The following CACNA1C variants were observed in gnomAD, a reference collection of about 807,000 sequenced individuals.
CACNA1C encodes calcium voltage-gated channel subunit alpha1 C.
A neutral mutation model predicts 229.0 loss-of-function variants in CACNA1C; 30 were observed. The ratio of observed to expected loss-of-function variants is 0.13; its 90% CI spans 0.10 to 0.18. The LOEUF (loss-of-function observed/expected upper bound fraction) is 0.18, where lower values mean the gene tolerates loss of function less well. CACNA1C is among the 10% of genes least tolerant of loss of function. The pLI is 1.00. For synonymous variants in CACNA1C, 1,114 were observed against 1,132.5 expected, an observed-to-expected ratio of 0.98 and a Z score of 0.33; for missense variants, 1,658 against 2,845.0, an observed-to-expected ratio of 0.58 and a Z score of 9.49.
At chr12:2,340,001 T>A (rs1340253050) in intron 3 of CACNA1C, among the ~76,000 whole-genome samples, 1 of 152,240 alleles carries the variant, frequency 6.6e-6, no homozygotes, top group African/African-American at 2.4e-5. Context: ...ACTTTGGTTT[T>A]TAAAAACTAT....
chr12:2,166,847 A>C (rs2096258397), intron 3 of CACNA1C, among the ~76,000 whole-genome samples: 2 of 152,200 alleles, frequency 1.3e-5, no homozygotes, highest in South Asian at 4.1e-4. Context: ...GGAGAAGACT[A>C]GGCAGCAGGC....
At chr12:2,111,343 G>T (rs572669367) in intron 1 of CACNA1C, among the ~76,000 whole-genome samples, 1 of 152,300 alleles carries the variant, frequency 6.6e-6, no homozygotes, top group Non-Finnish European at 1.5e-5. Flanking sequence ...TGCCGTCTTG[G>T]TAGCTTCTAC....
Position 2,478,160 on chromosome 12 carries a change from T to C in CACNA1C, c.758-7944T>C, listed in dbSNP as rs141683452. 2.9e-3 allele frequency among the ~76,000 whole-genome samples: 448 copies of C among 152,296 alleles called. 1 individual carries two copies. Among genetic ancestry groups the C allele is most frequent in the African/African-American group, 0.01 (424 of 41,558 alleles). On this transcript the variant is annotated intron_variant, in intron 5 of 46. Coordinates refer to ENST00000399655, the MANE Select transcript of CACNA1C (RefSeq NM_000719.7). ...GACACAGCTCACAGGTCTAGTCTTC[T>C]GGGAACTGTTTTCATATTTTCCTAG...
intron 3 of CACNA1C, among the ~76,000 whole-genome samples, chr12:2,243,632 G>C (rs1274234891): frequency 6.6e-6 from 1 of 152,222 alleles, no homozygotes; most frequent in Non-Finnish European, 1.5e-5. Flanking sequence ...ACTTAACTCT[G>C]TTGAGCCTTA....
intron 3 of CACNA1C, among the ~76,000 whole-genome samples, chr12:2,212,093 G>A (rs1254581571): frequency 6.6e-6 from 1 of 152,184 alleles, no homozygotes; most frequent in East Asian, 1.9e-4. Context: ...TGGATCAATG[G>A]CTGGGTAATC....
Position 2,633,677 on chromosome 12 carries a change from G to C in CACNA1C, c.3829-620G>C. ...TGTTTTTGACTTCCTCATCGTAATT[G>C]GCAGCATAATTGACGTCATTCTCAG... On this transcript the variant is annotated intron_variant, in intron 29 of 46. Coordinates refer to ENST00000399655, the MANE Select transcript of CACNA1C (RefSeq NM_000719.7). This position sits in a 1 kb window ranked among gnomAD's most constrained non-coding sequence, Gnocchi z 5.8. The C allele has an allele frequency of 6.2e-7, 1 of 1,611,264 alleles. No individual in the cohort carries two copies. The highest frequency in any genetic ancestry group is 8.5e-7 in the Non-Finnish European group (1 of 1,177,526).
intron 10 of CACNA1C, among the ~76,000 whole-genome samples, chr12:2,552,454 G>A (rs1202981693): frequency 2.6e-5 from 4 of 152,242 alleles, no homozygotes; most frequent in African/African-American, 7.2e-5. Context: ...ACAGAAGGAT[G>A]AACATGAGTT....
chr12:2,651,614 C>T lies in CACNA1C; in HGVS notation c.3946-26C>T, dbSNP rs1387183788. ...CACCCCCCTCTTGCTGTGCTAACTG[C>T]ACCTCCTGTTGCCGACGGGTTCCAG... On this transcript the variant is annotated intron_variant, in intron 31 of 46. Coordinates refer to ENST00000399655, the MANE Select transcript of CACNA1C (RefSeq NM_000719.7). The surrounding 1 kb of genome is among the most constrained non-coding windows in gnomAD (Gnocchi z 5.4). 4 of 1,613,958 alleles carry T rather than the reference C, an allele frequency of 2.5e-6. No homozygotes were observed. The highest frequency in any genetic ancestry group is 2.2e-5 in the East Asian group (1 of 44,864).
chr12:2,108,020 G>A lies in CACNA1C; in HGVS notation c.50-7204G>A, dbSNP rs2079906677. Among the ~76,000 whole-genome samples the A allele has an allele frequency of 6.6e-6, 1 of 152,236 alleles. No individual in the cohort carries two copies. Among genetic ancestry groups the A allele is most frequent in the East Asian group, 1.9e-4 (1 of 5,204 alleles). ...AAAATGCATTTTGTCAGACGTGCTA[G>A]CTACATTTCAGGTGCTCAGGAGCTG... On this transcript the variant is annotated intron_variant, in intron 1 of 46. Transcript: ENST00000399655. The surrounding 1 kb of genome is among the most constrained non-coding windows in gnomAD (Gnocchi z 5.3).
Position 2,277,906 on chromosome 12 carries a change from A to G in CACNA1C, c.477+157476A>G, listed in dbSNP as rs140204327. ...GAGCAGAGGGTCCTGAGCATGCGGC[A>G]TTAGATGGAGAAACTGCCTCCAGTC... is the stretch of plus-strand genomic sequence containing the variant. On this transcript the variant is annotated intron_variant, in intron 3 of 46. Transcript: ENST00000399655. Among the ~76,000 whole-genome samples the G allele has an allele frequency of 9.2e-3, 1,405 of 152,362 alleles. 22 individuals carry two copies. Among genetic ancestry groups the G allele is most frequent in the African/African-American group, 0.032 (1,343 of 41,580 alleles).
intron 1 of CACNA1C, among the ~76,000 whole-genome samples, chr12:2,035,811 C>G (rs1390237616): frequency 6.6e-6 from 1 of 152,210 alleles, no homozygotes; most frequent in African/African-American, 2.4e-5. Flanking sequence ...CTGGGGAGGA[C>G]GATTTCACAA....
chr12:2,121,649 C>T lies in CACNA1C; in HGVS notation c.477+1219C>T, dbSNP rs116832173. Among the ~76,000 whole-genome samples, 1,472 of 152,288 alleles carry T rather than the reference C, an allele frequency of 9.7e-3. 20 individuals carry two copies. Among genetic ancestry groups the T allele is most frequent in the African/African-American group, 0.033 (1,369 of 41,556 alleles). On this transcript the variant is annotated intron_variant, in intron 3 of 46. Transcript: ENST00000399655. Reference sequence around the variant, plus strand: ...AGTCGGAAGGCAGAGCATCGGCCGCCGTCCGTGAGGCCATCCGAAGCGTGA... The same window carrying T: ...AGTCGGAAGGCAGAGCATCGGCCGCTGTCCGTGAGGCCATCCGAAGCGTGA...
rs1294740683 is a variant in CACNA1C at position 2,692,872 on chromosome 12, C to T, written c.*1673C>T. 1 of 152,552 alleles carries T rather than the reference C, an allele frequency of 6.6e-6. No homozygotes were observed. Among genetic ancestry groups the T allele is most frequent in the African/African-American group, 2.4e-5 (1 of 41,430 alleles). 9.4% of individuals were successfully genotyped at this position (152,552 alleles called of 1,614,324 possible). ...TAATGAATTGAATTAAGTTGGTTTT[C>T]GGATTCACTTCTTGTATATTTTGCT... On this transcript the variant is annotated 3_prime_UTR_variant, in exon 47 of 47. Transcript: ENST00000399655.
chr12:2,490,617 C>T (rs544020944), intron 6 of CACNA1C, among the ~76,000 whole-genome samples: 108 of 152,346 alleles, frequency 7.1e-4, no homozygotes, highest in African/African-American at 2.5e-3. Flanking sequence ...TCCAGTCTCT[C>T]AGCTCCCAAA....
intron 30 of CACNA1C, among the ~76,000 whole-genome samples, chr12:2,640,415 TGATGCTGCG>T (rs562324013): frequency 3.3e-5 from 5 of 152,258 alleles, no homozygotes; most frequent in South Asian, 2.1e-4. Flanking sequence ...CTGTGTCGGT[TGATGCTGCG>T]GATGCTGGAT....
intron 1 of CACNA1C, among the ~76,000 whole-genome samples, chr12:2,063,639 A>C (rs1323482701): frequency 1.5e-4 from 23 of 152,256 alleles, no homozygotes; most frequent in Non-Finnish European, 5.9e-5. Context: ...TCAATTATAC[A>C]AAAAAGTGGT....
At chr12:2,478,231 G>A (rs767881005) in intron 5 of CACNA1C, among the ~76,000 whole-genome samples, 13 of 152,018 alleles carry the variant, frequency 8.6e-5, no homozygotes, top group Non-Finnish European at 1.3e-4. Flanking sequence ...CCGTCCTTTG[G>A]GCATAATTCT....
chr12:2,653,810 G>A lies in CACNA1C; in HGVS notation c.4075-25G>A, dbSNP rs755824673. The A allele has an allele frequency of 1.2e-6, 2 of 1,609,762 alleles. No individual in the cohort carries two copies. Among genetic ancestry groups the A allele is most frequent in the Non-Finnish European group, 1.7e-6 (2 of 1,176,458 alleles). On this transcript the variant is annotated intron_variant, in intron 32 of 46. Transcript: ENST00000399655. The surrounding 1 kb of genome is among the most constrained non-coding windows in gnomAD (Gnocchi z 4.7). ...GCTGGCCTCTGCACTCCAGCCTCATGGGAGTCTCCTGCACTTCCTTCCAGG... is the reference window on the plus strand; with the variant it reads ...GCTGGCCTCTGCACTCCAGCCTCATAGGAGTCTCCTGCACTTCCTTCCAGG...
intron 3 of CACNA1C, among the ~76,000 whole-genome samples, chr12:2,322,039 A>G (rs1268847459): frequency 2.6e-5 from 4 of 152,256 alleles, no homozygotes; most frequent in African/African-American, 9.6e-5. Context: ...TGTGTTCAAT[A>G]GCCAAAACTA....
Sources: gnomAD v4.1 joint callset for allele counts (sites outside exome capture counted in the v4.1 genomes callset) on GRCh38, gnomAD v4.1.1 for gene constraint, Gnocchi (gnomAD v3.1) non-coding constraint, MANE v1.5 for transcripts, NCBI Gene and HGNC (gene_info 2026-07-23, HGNC 2026-07-21) for gene names.